Variants in STARD13 observed in about 807,000 individuals in gnomAD.
The protein encoded by STARD13 is stAR-related lipid transfer protein 13.
In STARD13, 62 loss-of-function variants were observed where a neutral mutation model predicts 106.4. That is an observed-to-expected ratio of 0.58 (90% CI 0.48 to 0.72). The LOEUF (loss-of-function observed/expected upper bound fraction) is 0.72. Ranked by LOEUF, STARD13 falls within the 30% of genes least tolerant of loss-of-function variation. STARD13 has a pLI of 0.00. For synonymous variants in STARD13, 565 were observed against 553.0 expected (o/e 1.02, Z -0.31); for missense variants, 1,387 against 1,424.0 (o/e 0.97, Z 0.42).
chr13:33,505,141 T>G, the STARD13 span, among the ~76,000 whole-genome samples: 1 of 152,122 alleles, frequency 6.6e-6, no homozygotes, highest in African/African-American at 2.4e-5. Context: ...AGAAAGAAAA[T>G]AAACATTTAT....
chr13:33,170,338 C>T (rs891038265), intron 1 of STARD13, among the ~76,000 whole-genome samples: 1 of 152,126 alleles, frequency 6.6e-6, no homozygotes, highest in Admixed American at 6.5e-5. Flanking sequence ...AAACAACACT[C>T]CTTTTGGAAC....
chr13:33,481,243 T>C, the STARD13 span, among the ~76,000 whole-genome samples: 1 of 152,110 alleles, frequency 6.6e-6, no homozygotes, highest in Admixed American at 6.5e-5. Flanking sequence ...TAATAGAATA[T>C]ACTAATGATT....
At chr13:33,317,886 G>A (rs1458876530) in intron 1 of STARD13, among the ~76,000 whole-genome samples, 1 of 152,106 alleles carries the variant, frequency 6.6e-6, no homozygotes, top group Non-Finnish European at 1.5e-5. Context: ...ATAAATCTCA[G>A]TAATTTTGTC....
At chr13:33,302,868 AC>A (rs1892772126) in intron 1 of STARD13, among the ~76,000 whole-genome samples, 1 of 152,224 alleles carries the variant, frequency 6.6e-6, no homozygotes, top group Non-Finnish European at 1.5e-5. Context: ...TGTTCCTTCT[AC>A]AATATCATTC....
the STARD13 span, among the ~76,000 whole-genome samples, chr13:33,643,480 C>T: frequency 6.6e-6 from 1 of 152,176 alleles, no homozygotes; most frequent in South Asian, 2.1e-4. Context: ...TAGTGTGGCC[C>T]AGAATAAAGT....
At chr13:33,240,674 C>T (rs1889433182) in intron 1 of STARD13, among the ~76,000 whole-genome samples, 1 of 144,588 alleles carries the variant, frequency 6.9e-6, no homozygotes, top group South Asian at 2.1e-4. Context: ...CCTTAAGTAT[C>T]CTTAAGTTTA....
At chr13:33,613,857 T>G in the STARD13 span, among the ~76,000 whole-genome samples, 1 of 152,100 alleles carries the variant, frequency 6.6e-6, no homozygotes, top group Non-Finnish European at 1.5e-5. Context: ...CAAAAGAACT[T>G]CCAGGTCCTT....
At chr13:33,593,063 T>A in the STARD13 span, among the ~76,000 whole-genome samples, 2 of 152,328 alleles carry the variant, frequency 1.3e-5, no homozygotes, top group Admixed American at 1.3e-4. Flanking sequence ...TAGGTCAATA[T>A]GCCAGGGCTG....
the STARD13 span, among the ~76,000 whole-genome samples, chr13:33,458,337 A>G: frequency 2.6e-5 from 4 of 151,344 alleles, no homozygotes; most frequent in African/African-American, 4.9e-5. Context: ...CAGTGGCTCA[A>G]TCTTGGCTCA....
At chr13:33,145,781 A>G (rs1880447871) in intron 3 of STARD13, among the ~76,000 whole-genome samples, 1 of 152,226 alleles carries the variant, frequency 6.6e-6, no homozygotes, top group South Asian at 2.1e-4. Context: ...CATACACTAC[A>G]GGATTCCACT....
At chr13:33,656,648 C>T in the STARD13 span, among the ~76,000 whole-genome samples, 1 of 152,192 alleles carries the variant, frequency 6.6e-6, no homozygotes, top group Non-Finnish European at 1.5e-5. Flanking sequence ...GGGATCATTC[C>T]TGGATTTTCT....
chr13:33,366,545 T>C, the STARD13 span, among the ~76,000 whole-genome samples: 3 of 152,330 alleles, frequency 2.0e-5, no homozygotes, highest in South Asian at 4.1e-4. This position sits in a 1 kb window ranked among gnomAD's most constrained non-coding sequence, Gnocchi z 4.2. Flanking sequence ...AGATTTTTTA[T>C]TTTCCCTTTT....
chr13:33,403,743 C>T, the STARD13 span, among the ~76,000 whole-genome samples: 1 of 152,128 alleles, frequency 6.6e-6, no homozygotes, highest in Non-Finnish European at 1.5e-5. Context: ...ATCTGCAGTC[C>T]ATTTGGGTGC....
chr13:33,469,439 G>A, the STARD13 span, among the ~76,000 whole-genome samples: 1 of 152,168 alleles, frequency 6.6e-6, no homozygotes, highest in South Asian at 2.1e-4. Flanking sequence ...GGCTTTTTAA[G>A]TCACTGCAAG....
At chr13:33,449,052 A>G in the STARD13 span, among the ~76,000 whole-genome samples, 79,915 of 151,204 alleles carry the variant, frequency 0.53, 22,012 homozygotes, top group African/African-American at 0.7. Flanking sequence ...TTGCTTTGTT[A>G]ATTGTTCTAT....
At chr13:33,406,389 T>A in the STARD13 span, among the ~76,000 whole-genome samples, 4 of 152,276 alleles carry the variant, frequency 2.6e-5, no homozygotes, top group South Asian at 2.1e-4. Flanking sequence ...ATGGTGATTA[T>A]GTTCTAAAAA....
chr13:33,670,372 T>A, the STARD13 span, among the ~76,000 whole-genome samples: 1 of 152,214 alleles, frequency 6.6e-6, no homozygotes, highest in African/African-American at 2.4e-5. Context: ...ACGAACATAA[T>A]TGGAGAATGT....
In STARD13 at chr13:33,129,290, G is replaced by A. The variant is rs374912629; in HGVS notation, c.1387C>T (p.Pro463Ser). 11 of 1,613,990 alleles carry A rather than the reference G, an allele frequency of 6.8e-6. No homozygotes were observed. In the African/African-American group the frequency reaches 1.5e-4, roughly 22 times the overall value. The change falls in exon 5 of 14, where the codon CCT (proline) becomes TCT (serine). Residue 463 changes from proline (P) to serine (S), a missense_variant. Transcript: ENST00000336934. The part of the protein sequence containing the change: ...ASRVSIYDNV[P>S]GSHLYASTGD... ...GTGCTGGCATACAGATGGGAGCCAGGGACATTGTCATAGATACTGACTCGG... is the reference window on the plus strand; with the variant it reads ...GTGCTGGCATACAGATGGGAGCCAGAGACATTGTCATAGATACTGACTCGG...
chr13:33,581,656 C>T, the STARD13 span, among the ~76,000 whole-genome samples: 22 of 152,038 alleles, frequency 1.4e-4, no homozygotes, highest in Middle Eastern at 3.4e-3. Context: ...CAGAACAACT[C>T]GGGAGGAATT....
Sources: allele counts gnomAD v4.1 joint callset (sites outside exome capture counted in the v4.1 genomes callset), GRCh38; gene constraint gnomAD v4.1.1; non-coding constraint Gnocchi (gnomAD v3.1); transcripts MANE v1.5; gene names NCBI Gene and HGNC (gene_info 2026-07-23, HGNC 2026-07-21).